PTPRD: variants seen among roughly 807,000 people sequenced by gnomAD.
PTPRD encodes protein tyrosine phosphatase receptor type D.
In PTPRD, 34 loss-of-function variants were observed where a neutral mutation model predicts 214.5. That is an observed-to-expected ratio of 0.16 (90% CI 0.12 to 0.21). The LOEUF (loss-of-function observed/expected upper bound fraction) is 0.21. Among genes scored for constraint, PTPRD ranks in the 10% least tolerant of loss-of-function variants. PTPRD has a pLI of 1.00. For missense variants in PTPRD, 2,545 were observed against 2,398.7 expected (o/e 1.06, Z -1.27); for synonymous variants, 1,128 against 845.7 (o/e 1.33, Z -5.79).
chr9:10,367,457 G>T (rs2097536662), intron 2 of PTPRD, among the ~76,000 whole-genome samples: 1 of 152,108 alleles, frequency 6.6e-6, no homozygotes, highest in South Asian at 2.1e-4. Flanking sequence ...CCACTGGGTT[G>T]GTTTGCAGCT....
intron 2 of PTPRD, among the ~76,000 whole-genome samples, chr9:10,361,938 G>T (rs1309824688): frequency 1.3e-5 from 2 of 152,108 alleles, no homozygotes; most frequent in African/African-American, 2.4e-5. Flanking sequence ...GAGAACAAAA[G>T]AAAAAGTTAT....
chr9:10,506,059 C>G (rs864429), intron 2 of PTPRD, among the ~76,000 whole-genome samples: 96,655 of 151,858 alleles, frequency 0.64, 30,906 homozygotes, highest in South Asian at 0.74. Flanking sequence ...ATTTAAAAGA[C>G]AAATAGATGG....
intron 2 of PTPRD, among the ~76,000 whole-genome samples, chr9:10,580,302 T>C (rs1347970107): frequency 2.0e-5 from 3 of 152,218 alleles, no homozygotes; most frequent in Non-Finnish European, 4.4e-5. Context: ...ACTATGCCAT[T>C]TTTAAAATAA....
intron 2 of PTPRD, among the ~76,000 whole-genome samples, chr9:10,610,809 C>G (rs1179860493): frequency 6.6e-6 from 1 of 152,050 alleles, no homozygotes. Flanking sequence ...TCTCATTACC[C>G]TAAAAACTTA....
chr9:9,168,296 C>A (rs1469500408), intron 10 of PTPRD, among the ~76,000 whole-genome samples: 1 of 152,202 alleles, frequency 6.6e-6, no homozygotes, highest in East Asian at 1.9e-4. Context: ...AATACCACTG[C>A]AACCATGTTG....
chr9:8,785,849 C>T (rs913754323), intron 11 of PTPRD, among the ~76,000 whole-genome samples: 1 of 152,140 alleles, frequency 6.6e-6, no homozygotes, highest in Non-Finnish European at 1.5e-5. Context: ...ATAAGGAACA[C>T]AAAAACTCTC....
At chr9:8,335,522 G>T (rs571680853) in intron 43 of PTPRD, among the ~76,000 whole-genome samples, 1 of 152,072 alleles carries the variant, frequency 6.6e-6, no homozygotes, top group Non-Finnish European at 1.5e-5. Flanking sequence ...TATGATAAAC[G>T]CACAGCCACT....
At chr9:9,227,845 G>A (rs1038181327) in intron 9 of PTPRD, among the ~76,000 whole-genome samples, 3 of 152,120 alleles carry the variant, frequency 2.0e-5, no homozygotes, top group African/African-American at 7.2e-5. Context: ...TGTAGCCCAA[G>A]CTGAAACTTG....
intron 2 of PTPRD, among the ~76,000 whole-genome samples, chr9:10,345,334 G>A (rs1009794969): frequency 5.3e-5 from 8 of 151,774 alleles, no homozygotes; most frequent in Non-Finnish European, 1.2e-4. Flanking sequence ...TGTTACATAG[G>A]TATACACATG....
intron 5 of PTPRD, among the ~76,000 whole-genome samples, chr9:9,796,329 T>G (rs1230212592): frequency 2.6e-5 from 4 of 152,126 alleles, no homozygotes; most frequent in Admixed American, 2.0e-4. Context: ...GATAGAGTAC[T>G]GAAAAGGATT....
At chr9:8,602,137 C>G (rs1265781750) in intron 14 of PTPRD, among the ~76,000 whole-genome samples, 2 of 152,156 alleles carry the variant, frequency 1.3e-5, no homozygotes, top group Non-Finnish European at 2.9e-5. Context: ...TTTACAGGCA[C>G]AATGTCCAAT....
intron 36 of PTPRD, among the ~76,000 whole-genome samples, chr9:8,392,243 A>G (rs2089850735): frequency 6.6e-6 from 1 of 152,044 alleles, no homozygotes; most frequent in Non-Finnish European, 1.5e-5. Flanking sequence ...ATAAAAAATT[A>G]GGCTGGCATG....
At chr9:8,848,333 T>TTAAG (rs2097745199) in intron 11 of PTPRD, among the ~76,000 whole-genome samples, 1 of 104,798 alleles carries the variant, frequency 9.5e-6, no homozygotes. Context: ...TTTTTTTTTT[T>TTAAG]TTTTTAGTTT....
chr9:9,013,866 C>T (rs1394021415), intron 11 of PTPRD, among the ~76,000 whole-genome samples: 4 of 152,162 alleles, frequency 2.6e-5, no homozygotes, highest in Non-Finnish European at 4.4e-5. Context: ...AGGGCCTCTA[C>T]TGGCCTGAAA....
chr9:8,427,639 CA>C (rs1253438606), intron 35 of PTPRD, among the ~76,000 whole-genome samples: 1 of 151,936 alleles, frequency 6.6e-6, no homozygotes, highest in East Asian at 1.9e-4. Context: ...AGCAAGTTTC[CA>C]TTTCTTTCAG....
In PTPRD at chr9:9,012,974, T is replaced by C. The variant is rs147444115; in HGVS notation, c.-104+5723A>G. Among the ~76,000 whole-genome samples, 1,308 of 152,078 alleles carry C rather than the reference T, an allele frequency of 8.6e-3. 18 individuals carry two copies. Among genetic ancestry groups the C allele is most frequent in the African/African-American group, 0.03 (1,226 of 41,478 alleles). On this transcript the variant is annotated intron_variant, in intron 11 of 45. Transcript: ENST00000381196. ...GTGAAATTTTCAGCAAAATTTTGAG[T>C]GTCTAAATTTTTTGAATGAAAAAAA...
intron 11 of PTPRD, among the ~76,000 whole-genome samples, chr9:8,977,779 G>A (rs1046707472): frequency 1.3e-5 from 2 of 151,666 alleles, no homozygotes. Context: ...GAAGGAGACA[G>A]TAAAGAGAGT....
At chr9:9,788,039 C>T (rs2098938727) in intron 5 of PTPRD, among the ~76,000 whole-genome samples, 2 of 151,510 alleles carry the variant, frequency 1.3e-5, no homozygotes. Context: ...CCACCTCGGC[C>T]TCCCAAAGTG....
intron 3 of PTPRD, among the ~76,000 whole-genome samples, chr9:10,246,089 C>A (rs2092035494): frequency 6.6e-6 from 1 of 152,092 alleles, no homozygotes; most frequent in Non-Finnish European, 1.5e-5. Flanking sequence ...CTAGCAATCA[C>A]ATACTTCACA....
Sources: gnomAD v4.1 joint callset for allele counts (sites outside exome capture counted in the v4.1 genomes callset) on GRCh38, gnomAD v4.1.1 for gene constraint, MANE v1.5 for transcripts, NCBI Gene and HGNC (gene_info 2026-07-23, HGNC 2026-07-21) for gene names.